The following TUB variants were observed in gnomAD, a reference collection of about 807,000 sequenced individuals.
The protein encoded by TUB is tubby protein homolog.
In TUB, 33 loss-of-function variants were observed where a neutral mutation model predicts 59.7. The observed-to-expected ratio is 0.55, with a 90% CI of 0.42 to 0.74. The LOEUF is 0.74. Ranked by LOEUF, TUB falls within the 30% of genes least tolerant of loss-of-function variation. TUB has a pLI of 0.00. For synonymous variants in TUB, 293 were observed against 256.4 expected, an observed-to-expected ratio of 1.14 and a Z score of -1.36; for missense variants, 659 against 672.0, an observed-to-expected ratio of 0.98 and a Z score of 0.21.
rs1943734013 is a variant in TUB, at chr11:8,089,664, G to A, written c.90+3G>A. 1 of 1,614,184 alleles carries A rather than the reference G, an allele frequency of 6.2e-7. No individual in the cohort carries two copies. The highest frequency in any genetic ancestry group is 8.5e-7 in the Non-Finnish European group (1 of 1,180,024). On this transcript the variant is annotated splice_donor_region_variant and intron_variant, in intron 2 of 11. Coordinates refer to ENST00000299506, the MANE Select transcript of TUB (RefSeq NM_177972.3). ...GGCAGCAGAAGCTTGATCGGCAGGT[G>A]AGTAGGCCTGGGGCCGGGTAGAAGG...
chr11:8,041,814 C>A (rs559940879), intron 2 of TUB, among the ~76,000 whole-genome samples: 1 of 152,286 alleles, frequency 6.6e-6, no homozygotes, highest in South Asian at 2.1e-4. Context: ...TGCCTGCTTT[C>A]TCTAGTCCTG....
At chr11:8,066,886 A>G (rs1190589902) in intron 2 of TUB, among the ~76,000 whole-genome samples, 2 of 152,044 alleles carry the variant, frequency 1.3e-5, no homozygotes, top group Non-Finnish European at 2.9e-5. Flanking sequence ...ACAACCCTGG[A>G]TCTTTCTGGA....
At chr11:8,075,822 C>T (rs1026106891) in intron 2 of TUB, 1 of 152,248 alleles carries the variant, frequency 6.6e-6, no homozygotes, top group Non-Finnish European at 1.5e-5. Flanking sequence ...AGTCCTGACC[C>T]TTTCCAGGGT....
At chr11:8,091,673 G>T (rs1358670604) in intron 3 of TUB, among the ~76,000 whole-genome samples, 1 of 152,056 alleles carries the variant, frequency 6.6e-6, no homozygotes, top group African/African-American at 2.4e-5. Flanking sequence ...GCCATACCTG[G>T]TATGCCTGTA....
Position 8,104,978 on chromosome 11 carries a change from T to TTAAA in TUB, c.*3364_*3367dup, listed in dbSNP as rs953025698. ...CTGAAAATAGCAGGACATTTACCTC[T>TTAAA]TAAATAAACTTAGCATTTAGAGGTA... On this transcript the variant is annotated 3_prime_UTR_variant, in exon 12 of 12. Coordinates refer to ENST00000299506, the MANE Select transcript of TUB (RefSeq NM_177972.3). The TTAAA allele has an allele frequency of 1.4e-5, 2 of 147,146 alleles. No homozygotes were observed. The highest frequency in any genetic ancestry group is 3.0e-5 in the Non-Finnish European group (2 of 67,726). 9.1% of individuals were successfully genotyped at this position (147,146 alleles called of 1,614,324 possible).
chr11:8,088,128 G>C (rs1943702109), intron 1 of TUB, among the ~76,000 whole-genome samples: 1 of 152,190 alleles, frequency 6.6e-6, no homozygotes, highest in African/African-American at 2.4e-5. Flanking sequence ...TCACAGCTGG[G>C]GCTCCTCTGA....
At chr11:8,078,028 C>G (rs909374615), upstream of TUB, among the ~76,000 whole-genome samples, 1 of 152,170 alleles carries the variant, frequency 6.6e-6, no homozygotes, top group African/African-American at 2.4e-5. Context: ...ATGGCCCACA[C>G]TCAATAAAAA....
chr11:8,040,538 C>G (rs1214838965), intron 2 of TUB, among the ~76,000 whole-genome samples: 1 of 152,176 alleles, frequency 6.6e-6, no homozygotes, highest in Non-Finnish European at 1.5e-5. Flanking sequence ...TGTGGAGAGC[C>G]AGGGGTCTCG....
At chr11:8,098,677 C>T in intron 8 of TUB, 81 bp from the exon 9 acceptor site, 5 of 1,039,112 alleles carry the variant, frequency 4.8e-6, no homozygotes, top group Non-Finnish European at 7.3e-6. Context: ...TTTGCAGGCT[C>T]CTCATAGGAC....
At chr11:8,053,781 G>A (rs1224162799) in intron 2 of TUB, among the ~76,000 whole-genome samples, 6 of 149,458 alleles carry the variant, frequency 4.0e-5, no homozygotes, top group East Asian at 2.0e-4. Flanking sequence ...GATTACAGGC[G>A]TGAGCCACCG....
At chr11:8,084,822 C>T (rs1352958408) in intron 1 of TUB, among the ~76,000 whole-genome samples, 1 of 152,204 alleles carries the variant, frequency 6.6e-6, no homozygotes, top group Non-Finnish European at 1.5e-5. Context: ...CCTCCTGGAG[C>T]ACTGCTTGAA....
intron 1 of TUB, among the ~76,000 whole-genome samples, chr11:8,019,834 C>T (rs1331092192): frequency 2.0e-5 from 3 of 152,048 alleles, no homozygotes; most frequent in Admixed American, 1.3e-4. Flanking sequence ...CGGAGTGTCC[C>T]GCTGGCTGCC....
At chr11:8,079,700 G>A (rs1375918671), upstream of TUB, among the ~76,000 whole-genome samples, 1 of 151,994 alleles carries the variant, frequency 6.6e-6, no homozygotes, top group African/African-American at 2.4e-5. Context: ...GTGTGTGTGT[G>A]CATGTGTGTA....
chr11:8,095,645 G>A lies in TUB; in HGVS notation c.545G>A (p.Arg182His), dbSNP rs747522121. The change falls in exon 5 of 12, where the codon CGT (arginine) becomes CAT (histidine). Residue 182 changes from arginine (R) to histidine (H), a missense_variant. Coordinates refer to ENST00000299506, the MANE Select transcript of TUB (RefSeq NM_177972.3). Reference sequence around the variant, plus strand: ...GAACGGCCCAGCGGGCAGGATCTCCGTGCCACGATGCAGAGGAAGGGTGAG... The same window carrying A: ...GAACGGCCCAGCGGGCAGGATCTCCATGCCACGATGCAGAGGAAGGGTGAG... ...GGERPSGQDL[R>H]ATMQRKGISS... 4.6e-5 allele frequency: 74 copies of A among 1,604,360 alleles called. No individual in the cohort carries two copies. Among genetic ancestry groups the A allele is most frequent in the Admixed American group, 1.7e-4 (10 of 58,500 alleles).
intron 1 of TUB, among the ~76,000 whole-genome samples, chr11:8,088,907 C>A (rs1409425525): frequency 6.6e-6 from 1 of 152,226 alleles, no homozygotes; most frequent in Non-Finnish European, 1.5e-5. Flanking sequence ...CGGGAAGGAC[C>A]TGGTAGCTGG....
chr11:8,022,015 G>A (rs1942437067), intron 1 of TUB, among the ~76,000 whole-genome samples: 1 of 151,850 alleles, frequency 6.6e-6, no homozygotes, highest in African/African-American at 2.4e-5. Context: ...TTCTCACCCT[G>A]ACAATCTCAG....
rs777102349 is a variant in TUB, at chr11:8,101,689, C to T, written c.*70C>T. The T allele has an allele frequency of 5.1e-5, 80 of 1,574,032 alleles. No homozygotes were observed. The highest frequency in any genetic ancestry group is 6.8e-5 in the Non-Finnish European group (79 of 1,161,102). Reference sequence around the variant, plus strand: ...TTGCCTGCCTGCCTGTGGAGACAGCCCTGCCTATCCTCTGTATATAGGCCT... The same window carrying T: ...TTGCCTGCCTGCCTGTGGAGACAGCTCTGCCTATCCTCTGTATATAGGCCT... On this transcript the variant is annotated 3_prime_UTR_variant, in exon 12 of 12. Transcript: ENST00000299506.
At chr11:8,101,379 T>C (rs2133917997) in intron 11 of TUB, 107 bp from the exon 12 acceptor site, 2 of 1,399,322 alleles carry the variant, frequency 1.4e-6, no homozygotes, top group Non-Finnish European at 1.0e-6. Context: ...GCATCTCTGC[T>C]TCTCACTTGT....
chr11:8,072,489 C>T (rs1475453775), intron 2 of TUB, among the ~76,000 whole-genome samples: 1 of 152,198 alleles, frequency 6.6e-6, no homozygotes, highest in Non-Finnish European at 1.5e-5. Flanking sequence ...TATAATAGCT[C>T]CTCGGGGAGC....
Sources: gnomAD v4.1 joint callset for allele counts (sites outside exome capture counted in the v4.1 genomes callset) on GRCh38, gnomAD v4.1.1 for gene constraint, MANE v1.5 for transcripts, NCBI Gene and HGNC (gene_info 2026-07-23, HGNC 2026-07-21) for gene names.